SNTG1: variants seen among roughly 807,000 people sequenced by gnomAD.
SNTG1 encodes the protein syntrophin gamma 1.
SNTG1 carries 39 observed loss-of-function variants against 74.7 expected under a neutral mutation model. The observed-to-expected ratio is 0.52, with a 90% confidence interval of 0.40 to 0.68. SNTG1 has a LOEUF of 0.68. Ranked by LOEUF, SNTG1 falls within the 30% of genes least tolerant of loss-of-function variation. SNTG1 has a pLI of 0.00. For synonymous variants in SNTG1, 254 were observed against 217.1 expected, an observed-to-expected ratio of 1.17 and a Z score of -1.49; for missense variants, 685 against 609.5, an observed-to-expected ratio of 1.12 and a Z score of -1.30.
At chr8:50,072,040 T>C (rs1465047338) in intron 1 of SNTG1, among the ~76,000 whole-genome samples, 1 of 152,212 alleles carries the variant, frequency 6.6e-6, no homozygotes, top group East Asian at 1.9e-4. Flanking sequence ...GTGTGATTGG[T>C]ACCAACTCAT....
At position 50,426,419 on chromosome 8, in the gene SNTG1, T is replaced by A. The variant is rs147695441; in HGVS notation, c.163-12124T>A. On this transcript the variant is annotated intron_variant, in intron 4 of 18. Transcript: ENST00000642720. ...GTGTAGGCCTAGGCTAATATGTGTG[T>A]ATATGTCTTAGTTTTTAACAAAAAC... Among the ~76,000 whole-genome samples the A allele has an allele frequency of 6.6e-3, 1,003 of 152,154 alleles. 2 individuals carry two copies. Among genetic ancestry groups the A allele is most frequent in the Non-Finnish European group, 0.012 (792 of 67,974 alleles).
intron 8 of SNTG1, among the ~76,000 whole-genome samples, chr8:50,495,977 G>A (rs1392902703): frequency 6.6e-6 from 1 of 152,016 alleles, no homozygotes; most frequent in African/African-American, 2.4e-5. Context: ...CCTTCAGTTC[G>A]TAAATGACTG....
intron 13 of SNTG1, among the ~76,000 whole-genome samples, chr8:50,654,908 G>T (rs1490689467): frequency 6.6e-6 from 1 of 152,140 alleles, no homozygotes; most frequent in Non-Finnish European, 1.5e-5. Context: ...GTTTACTAAG[G>T]CCTCCACATG....
intron 11 of SNTG1, among the ~76,000 whole-genome samples, chr8:50,540,071 T>C (rs1373779552): frequency 6.6e-6 from 1 of 152,170 alleles, no homozygotes; most frequent in Non-Finnish European, 1.5e-5. Context: ...CATTCATGCT[T>C]AGCTGTTCAC....
chr8:50,451,223 C>T (rs1359893023), intron 8 of SNTG1, among the ~76,000 whole-genome samples: 1 of 152,048 alleles, frequency 6.6e-6, no homozygotes, highest in Non-Finnish European at 1.5e-5. Flanking sequence ...AAAATAATGA[C>T]TATTACATAG....
At chr8:50,348,217 A>G (rs2091540237) in intron 2 of SNTG1, among the ~76,000 whole-genome samples, 1 of 152,164 alleles carries the variant, frequency 6.6e-6, no homozygotes, top group African/African-American at 2.4e-5. Context: ...GAACCCAGAG[A>G]CATCTCCATG....
At chr8:50,039,778 G>T (rs912914259) in intron 1 of SNTG1, among the ~76,000 whole-genome samples, 48 of 151,986 alleles carry the variant, frequency 3.2e-4, no homozygotes, top group African/African-American at 1.1e-3. Context: ...TGGTCAAATC[G>T]GTGTTATATT....
At chr8:50,763,053 C>A (rs1257658773) in intron 18 of SNTG1, among the ~76,000 whole-genome samples, 1 of 151,894 alleles carries the variant, frequency 6.6e-6, no homozygotes, top group African/African-American at 2.4e-5. Flanking sequence ...TCCAGCAAGT[C>A]ATCAATGATA....
chr8:50,615,911 C>A (rs547957903), intron 13 of SNTG1, among the ~76,000 whole-genome samples: 1 of 152,260 alleles, frequency 6.6e-6, no homozygotes, highest in South Asian at 2.1e-4. Context: ...TTGATCCAGA[C>A]AAATTTTAAG....
At chr8:50,007,086 T>C (rs777299482) in intron 1 of SNTG1, among the ~76,000 whole-genome samples, 1 of 152,194 alleles carries the variant, frequency 6.6e-6, no homozygotes, top group South Asian at 2.1e-4. Flanking sequence ...GCACCACTTA[T>C]TGCCACAGGG....
chr8:50,271,198 CT>C lies in SNTG1; in HGVS notation c.-28+98567del, dbSNP rs551382062. Among the ~76,000 whole-genome samples the C allele has an allele frequency of 2.6e-4, 39 of 152,252 alleles. 1 individual carries two copies. In the East Asian group the frequency reaches 7.2e-3, roughly 28 times the overall value. On this transcript the variant is annotated intron_variant, in intron 2 of 18. Transcript: ENST00000642720. ...GAAAGTGTTATTAAAAATATGTCAG[CT>C]TTTGGTATATCATCCCTAACCCTTT...
intron 8 of SNTG1, among the ~76,000 whole-genome samples, chr8:50,482,610 G>A (rs1006889457): frequency 6.6e-6 from 1 of 152,142 alleles, no homozygotes; most frequent in Non-Finnish European, 1.5e-5. Context: ...ATAAAAATCA[G>A]CAATCATTTA....
intron 1 of SNTG1, among the ~76,000 whole-genome samples, chr8:50,153,240 C>T (rs369600579): frequency 4.7e-4 from 72 of 152,254 alleles, no homozygotes; most frequent in East Asian, 9.7e-4. Flanking sequence ...TCTTGTGCCA[C>T]GGTTTTCAGC....
chr8:50,586,144 C>T (rs1400809591), intron 12 of SNTG1, among the ~76,000 whole-genome samples: 2 of 152,166 alleles, frequency 1.3e-5, no homozygotes, highest in Non-Finnish European at 2.9e-5. Context: ...ATGAAAACTA[C>T]AGTGTAAGAA....
chr8:50,601,016 G>A (rs1264914984), intron 13 of SNTG1, among the ~76,000 whole-genome samples: 1 of 151,356 alleles, frequency 6.6e-6, no homozygotes, highest in East Asian at 1.9e-4. Flanking sequence ...GAAAATACAA[G>A]AAACATTAGT....
intron 8 of SNTG1, among the ~76,000 whole-genome samples, chr8:50,469,946 C>T (rs2093638843): frequency 6.6e-6 from 1 of 152,138 alleles, no homozygotes; most frequent in Non-Finnish European, 1.5e-5. Context: ...CCACTGCACT[C>T]CAGCCTGGGC....
At chr8:50,638,157 T>C (rs1299983119) in intron 13 of SNTG1, among the ~76,000 whole-genome samples, 2 of 152,070 alleles carry the variant, frequency 1.3e-5, no homozygotes, top group African/African-American at 4.8e-5. Context: ...ATGCAGTCTC[T>C]AGAAACTAGA....
intron 2 of SNTG1, among the ~76,000 whole-genome samples, chr8:50,227,847 A>C (rs2085413087): frequency 6.6e-6 from 1 of 151,418 alleles, no homozygotes; most frequent in African/African-American, 2.4e-5. Flanking sequence ...CCCAAAAGGT[A>C]AGGTCTATTT....
intron 2 of SNTG1, among the ~76,000 whole-genome samples, chr8:50,382,640 T>A (rs1441686512): frequency 6.6e-6 from 1 of 152,180 alleles, no homozygotes; most frequent in Non-Finnish European, 1.5e-5. Flanking sequence ...CTTTCAATAT[T>A]TCAATTTTTT....
Sources: gnomAD v4.1 joint callset for allele counts (sites outside exome capture counted in the v4.1 genomes callset) on GRCh38, gnomAD v4.1.1 for gene constraint, MANE v1.5 for transcripts, NCBI Gene and HGNC (gene_info 2026-07-23, HGNC 2026-07-21) for gene names.